Variants in RDH12 observed in about 807,000 individuals in gnomAD.
RDH12 encodes the protein all-trans and 9-cis retinol dehydrogenase.
RDH12 carries 21 observed loss-of-function variants against 34.0 expected under a neutral mutation model. The ratio of observed to expected loss-of-function variants is 0.62; its 90% CI spans 0.44 to 0.89. The LOEUF is 0.89. RDH12 is among the 40% of genes least tolerant of loss of function. The pLI is 0.00. For synonymous variants in RDH12, 198 were observed against 169.9 expected, an observed-to-expected ratio of 1.17 and a Z score of -1.29; for missense variants, 394 against 398.6, an observed-to-expected ratio of 0.99 and a Z score of 0.10.
intron 4 of RDH12, 65 bp downstream of exon 4, chr14:67,724,656 T>C: frequency 8.5e-7 from 1 of 1,177,098 alleles, no homozygotes; most frequent in Non-Finnish European, 1.3e-6. Flanking sequence ...CTGGGGCCTC[T>C]GTCCATATTG....
At chr14:67,725,976 C>T in intron 5 of RDH12, 75 bp from the exon 6 acceptor site, 3 of 969,962 alleles carry the variant, frequency 3.1e-6, no homozygotes, top group Non-Finnish European at 3.4e-6. Flanking sequence ...AGGGAAAGGG[C>T]AATTATGCAG....
chr14:67,718,971 A>G (rs1255373860), intron 1 of RDH12, among the ~76,000 whole-genome samples: 1 of 152,250 alleles, frequency 6.6e-6, no homozygotes, highest in African/African-American at 2.4e-5. Flanking sequence ...AGATAAATTG[A>G]TAAAAGTTTA....
chr14:67,702,983 T>TAAAA (rs2037915217), intron 1 of RDH12, among the ~76,000 whole-genome samples: 1 of 147,240 alleles, frequency 6.8e-6, no homozygotes, highest in African/African-American at 2.6e-5. Context: ...CCAGCTAACT[T>TAAAA]AAAAAAGTTT....
In RDH12 at chr14:67,722,918, T is replaced by G. The variant is rs10145923; in HGVS notation, c.68+208T>G. Among the ~76,000 whole-genome samples the G allele has an allele frequency of 0.064, 9,754 of 152,258 alleles. 990 individuals carry two copies. The highest frequency in any genetic ancestry group is 0.21 in the African/African-American group (8,926 of 41,538). ...GCCGGGCAGAGGTGGGGCTGAGTTC[T>G]GGCCCCACCTGAGCTCTGGGGAGAG... On this transcript the variant is annotated intron_variant, in intron 3 of 8. Transcript: ENST00000551171.
Position 67,727,064 on chromosome 14 carries a change from C to T in RDH12, c.532C>T (p.His178Tyr), listed in dbSNP as rs1417552937. ...GGTGGTTAATGTGTCCTCGGTGGCT[C>T]ACCACATTGGCAAGATTCCCTTCCA... is the stretch of plus-strand genomic sequence containing the variant. ...ARVVNVSSVAHHIGKIPFHDL... is the reference protein window; with the variant it reads ...ARVVNVSSVAYHIGKIPFHDL... The change falls in exon 7 of 9, where the codon CAC becomes TAC. Residue 178 changes from histidine (H) to tyrosine (Y), a missense_variant. Transcript: ENST00000551171. The T allele has an allele frequency of 1.2e-6, 2 of 1,614,086 alleles. No homozygotes were observed. The highest frequency in any genetic ancestry group is 8.5e-7 in the Non-Finnish European group (1 of 1,180,044).
chr14:67,715,608 A>G (rs1178897696), intron 1 of RDH12, among the ~76,000 whole-genome samples: 1 of 152,068 alleles, frequency 6.6e-6, no homozygotes, highest in East Asian at 1.9e-4. Context: ...CCTTAGTTTC[A>G]TTTCTACTTT....
chr14:67,712,247 TC>T, intron 1 of RDH12, among the ~76,000 whole-genome samples: 1 of 148,760 alleles, frequency 6.7e-6, no homozygotes. Context: ...TAACTGGATC[TC>T]TGAGCTCTGG....
intron 1 of RDH12, among the ~76,000 whole-genome samples, chr14:67,716,492 G>A (rs2038070887): frequency 1.3e-5 from 2 of 152,220 alleles, no homozygotes; most frequent in Admixed American, 6.5e-5. Flanking sequence ...GATTTTCCAT[G>A]ACAGAAAGTG....
chr14:67,702,958 T>C (rs1370066004), intron 1 of RDH12, among the ~76,000 whole-genome samples: 4 of 152,040 alleles, frequency 2.6e-5, no homozygotes, highest in South Asian at 2.1e-4. Flanking sequence ...GGACTACAGG[T>C]GCGTGCCGCC....
intron 1 of RDH12, among the ~76,000 whole-genome samples, chr14:67,717,635 A>G (rs2140129577): frequency 6.6e-6 from 1 of 152,368 alleles, no homozygotes; most frequent in Non-Finnish European, 1.5e-5. Context: ...AACAGCTGGC[A>G]ATGCCAGGAG....
At chr14:67,724,319 T>C (rs2038159469) in intron 3 of RDH12, among the ~76,000 whole-genome samples, 154 bp from the exon 4 acceptor site, 1 of 152,180 alleles carries the variant, frequency 6.6e-6, no homozygotes, top group Admixed American at 6.5e-5. Context: ...GGAAAAATGT[T>C]GTCCTATGAA....
At chr14:67,713,205 G>A (rs962726105) in intron 1 of RDH12, among the ~76,000 whole-genome samples, 2 of 151,558 alleles carry the variant, frequency 1.3e-5, no homozygotes, top group African/African-American at 4.9e-5. Flanking sequence ...ATGGGTCTCA[G>A]GCTGAAAACA....
Position 67,734,022 on chromosome 14 carries a change from A to C in RDH12, c.*174A>C. ...TTTGCACACCTGACACTCTTGTGAGACTGGCTTATGGCATGAGTTGTGGAC... is the reference window on the plus strand; with the variant it reads ...TTTGCACACCTGACACTCTTGTGAGCCTGGCTTATGGCATGAGTTGTGGAC... On this transcript the variant is annotated 3_prime_UTR_variant, in exon 9 of 9. Transcript: ENST00000551171. The C allele has an allele frequency of 1.8e-6, 1 of 570,940 alleles. No homozygotes were observed. Among genetic ancestry groups the C allele is most frequent in the Non-Finnish European group, 3.3e-6 (1 of 304,758 alleles). The allele number at this position is 570,940 out of a possible 1,614,324, so 35.4% of individuals were successfully genotyped here.
intron 1 of RDH12, among the ~76,000 whole-genome samples, chr14:67,709,166 A>G (rs2037983371): frequency 6.6e-6 from 1 of 152,248 alleles, no homozygotes; most frequent in South Asian, 2.1e-4. Flanking sequence ...TTTGTCAAAT[A>G]TCAAAGGTTT....
At position 67,729,202 on chromosome 14, in the gene RDH12, A is replaced by G; in HGVS notation, c.670A>G (p.Thr224Ala). ...CCTCTTTGTCCCAGGCACCGGGGTCACCACCTACGCAGTGCACCCAGGCGT... is the reference window on the plus strand; with the variant it reads ...CCTCTTTGTCCCAGGCACCGGGGTCGCCACCTACGCAGTGCACCCAGGCGT... ...LAKRLQGTGV[T>A]TYAVHPGVVR... is the part of the protein sequence containing the mutation. The change falls in exon 8 of 9, where the codon ACC becomes GCC. Residue 224 changes from threonine (T) to alanine (A), a missense_variant. By Grantham distance (58) the Thr-to-Ala change is moderately conservative (BLOSUM62 0). Transcript: ENST00000551171. 6.2e-7 allele frequency: 1 copy of G among 1,612,756 alleles called. No homozygotes were observed. The highest frequency in any genetic ancestry group is 8.5e-7 in the Non-Finnish European group (1 of 1,180,018).
At chr14:67,729,862 C>T in intron 8 of RDH12, 1 of 455,286 alleles carries the variant, frequency 2.2e-6, no homozygotes, top group Non-Finnish European at 4.4e-6. Flanking sequence ...TGAATCTTAT[C>T]ATGAACTCAA....
chr14:67,733,713 T>A, intron 8 of RDH12, 33 bp from the exon 9 acceptor site: 1 of 1,428,244 alleles, frequency 7.0e-7, no homozygotes, highest in Non-Finnish European at 9.9e-7. Flanking sequence ...TAATTCTCAT[T>A]CCTGGAATTT....
intron 1 of RDH12, among the ~76,000 whole-genome samples, chr14:67,706,823 C>T (rs2037955340): frequency 6.6e-6 from 1 of 152,050 alleles, no homozygotes; most frequent in Admixed American, 6.6e-5. Flanking sequence ...GTCTCTGGTC[C>T]CAGCTTTTTT....
At chr14:67,726,666 C>T (rs2038190119) in intron 6 of RDH12, among the ~76,000 whole-genome samples, 2 of 152,154 alleles carry the variant, frequency 1.3e-5, no homozygotes, top group African/African-American at 4.8e-5. Context: ...TATCCTTCTG[C>T]CTATACACAA....
Sources: gnomAD v4.1 joint callset for allele counts (sites outside exome capture counted in the v4.1 genomes callset) on GRCh38, gnomAD v4.1.1 for gene constraint, MANE v1.5 for transcripts, NCBI Gene and HGNC (gene_info 2026-07-23, HGNC 2026-07-21) for gene names.